TUBGCP2: variants seen among roughly 807,000 people sequenced by gnomAD.
The protein encoded by TUBGCP2 is tubulin gamma complex component 2, also known as gamma-tubulin complex component 2.
In TUBGCP2, 55 loss-of-function variants were observed where a neutral mutation model predicts 92.2. That is an observed-to-expected ratio of 0.60 (90% CI 0.48 to 0.75). The LOEUF (loss-of-function observed/expected upper bound fraction) is 0.75, where lower values mean the gene tolerates loss of function less well. Ranked by LOEUF, TUBGCP2 falls within the 30% of genes least tolerant of loss-of-function variation. The pLI, the probability that TUBGCP2 is intolerant of heterozygous loss-of-function variation, is 0.00. For missense variants in TUBGCP2, 1,093 were observed against 1,188.9 expected, an observed-to-expected ratio of 0.92 and a Z score of 1.19; for synonymous variants, 533 against 505.2, an observed-to-expected ratio of 1.06 and a Z score of -0.74.
intron 17 of TUBGCP2, among the ~76,000 whole-genome samples, 171 bp from the exon 18 acceptor site, chr10:133,280,072 G>C (rs185340015): frequency 7.9e-5 from 12 of 152,340 alleles, no homozygotes; most frequent in Non-Finnish European, 1.6e-4. Context: ...TCCTTCTGCG[G>C]GTCCGTCCTG....
At position 133,291,236 on chromosome 10, in the gene TUBGCP2, G is replaced by A. The variant is rs1020021282; in HGVS notation, c.1214+1263C>T. Among the ~76,000 whole-genome samples the A allele has an allele frequency of 2.9e-3, 333 of 114,332 alleles. 3 individuals are homozygous for A. The highest frequency in any genetic ancestry group is 8.7e-3 in the African/African-American group (171 of 19,558). 75.0% of individuals were successfully genotyped at this position (114,332 alleles called of 152,430 possible). On this transcript the variant is annotated intron_variant, in intron 8 of 17. Coordinates refer to ENST00000252936, the MANE Select transcript of TUBGCP2 (RefSeq NM_006659.4). ...AGAGCCCCCAGAGAGGGCAGCACGC[G>A]CCCTCCGTGTCCCCCATGTCCCTCC...
In TUBGCP2 at chr10:133,289,948, G is replaced by C; in HGVS notation, c.1236C>G (p.His412Gln). 3 of 1,614,106 alleles carry C rather than the reference G, an allele frequency of 1.9e-6. No individual in the cohort carries two copies. The highest frequency in any genetic ancestry group is 2.2e-5 in the East Asian group (1 of 44,878). ...CCTGGATCCTCTCCTTCCGCAGCTC[G>C]TGCTCCTCGACCATAAACTCACTAA... ...DPYSEFMVEEHELRKERIQED... is the reference protein window; with the variant it reads ...DPYSEFMVEEQELRKERIQED... The change falls in exon 9 of 18, where the codon CAC (histidine) becomes CAG (glutamine). Residue 412 changes from histidine (H) to glutamine (Q), a missense_variant. Physicochemically the swap from His to Gln is conservative, Grantham distance 24. Transcript: ENST00000252936.
rs746060172 is a variant in TUBGCP2, at chr10:133,292,577, A to AG, written c.1135dup (p.Leu379ProfsTer28). The stretch of plus-strand genomic sequence containing the variant: ...GTAGGGAGCACTGGCCGCCTTGGTT[A>AG]GGTACAGGCATAGCTCCTGCGCCTG... On this transcript the variant is annotated frameshift_variant, in exon 8 of 18. Coordinates refer to ENST00000252936, the MANE Select transcript of TUBGCP2 (RefSeq NM_006659.4). LOFTEE classifies it high-confidence loss of function. 6.8e-6 allele frequency: 11 copies of AG among 1,614,150 alleles called. No homozygotes were observed. Among genetic ancestry groups the AG allele is most frequent in the Non-Finnish European group, 9.3e-6 (11 of 1,180,016 alleles).
At chr10:133,292,989 T>C in intron 7 of TUBGCP2, 50 bp downstream of exon 7, 1 of 1,589,716 alleles carries the variant, frequency 6.3e-7, no homozygotes, top group Admixed American at 1.7e-5. Flanking sequence ...GGTGCCATGT[T>C]CAACACCTGC....
Position 133,290,026 on chromosome 10 carries a change from G to A in TUBGCP2, c.1215-57C>T, listed in dbSNP as rs541715594. 1.6e-5 allele frequency: 25 copies of A among 1,595,126 alleles called. No individual in the cohort carries two copies. The East Asian group carries it at 2.3e-4, about 14-fold the overall frequency. On this transcript the variant is annotated intron_variant, in intron 8 of 17. Transcript: ENST00000252936. The stretch of plus-strand genomic sequence containing the variant: ...CAAAGCAAGGGCGCCTGAGGCAGGC[G>A]ACACTTCTCCAGGCCGGCAGCGCGC...
intron 17 of TUBGCP2, among the ~76,000 whole-genome samples, chr10:133,280,595 A>C (rs1305198927): frequency 6.6e-6 from 1 of 152,212 alleles, no homozygotes; most frequent in Non-Finnish European, 1.5e-5. Flanking sequence ...GGGGCAGCCC[A>C]GTTGCACAGA....
At chr10:133,296,782 G>A (rs1847497900) in intron 5 of TUBGCP2, among the ~76,000 whole-genome samples, 1 of 152,158 alleles carries the variant, frequency 6.6e-6, no homozygotes, top group African/African-American at 2.4e-5. Context: ...GGCCGAAGTA[G>A]ACTGTTTTCC....
upstream of TUBGCP2, chr10:133,311,688 G>C: frequency 1.3e-6 from 2 of 1,595,792 alleles, no homozygotes; most frequent in Non-Finnish European, 1.7e-6. Context: ...GCCGTGCAGG[G>C]CAGTTACTCA....
upstream of TUBGCP2, chr10:133,309,942 T>G (rs1847950306): frequency 1.2e-6 from 2 of 1,613,308 alleles, no homozygotes. Flanking sequence ...GTGGCACGAT[T>G]CGCTCTTCCA....
chr10:133,301,139 T>C (rs1665912587), intron 2 of TUBGCP2, among the ~76,000 whole-genome samples: 1 of 152,236 alleles, frequency 6.6e-6, no homozygotes, highest in Non-Finnish European at 1.5e-5. Context: ...GGTTATGCTT[T>C]TTCTTTTGGA....
chr10:133,293,387 G>A (rs1459490199), intron 6 of TUBGCP2, 149 bp from the exon 7 acceptor site: 1 of 1,213,190 alleles, frequency 8.2e-7, no homozygotes, highest in East Asian at 2.5e-5. Context: ...GAGGAGATGA[G>A]TCAGGACCCT....
chr10:133,292,782 T>G (rs1008499153), intron 7 of TUBGCP2, 94 bp from the exon 8 acceptor site: 3 of 1,428,806 alleles, frequency 2.1e-6, no homozygotes, highest in Admixed American at 4.4e-5. Context: ...TTCTCCAACC[T>G]TCTTCCTGGG....
intron 5 of TUBGCP2, among the ~76,000 whole-genome samples, chr10:133,294,529 G>T (rs1440452707): frequency 6.6e-6 from 1 of 152,074 alleles, no homozygotes; most frequent in Non-Finnish European, 1.5e-5. Context: ...GTGACTGCAG[G>T]CCTCAAGACT....
At chr10:133,292,356 CCCGTGTCCCT>C (rs1219520881) in intron 8 of TUBGCP2, 133 bp downstream of exon 8, 1 of 48,788 alleles carries the variant, frequency 2.0e-5, no homozygotes, top group Non-Finnish European at 3.3e-5. Flanking sequence ...CTCCGTGTCC[CCCGTGTCCCT>C]CCGTGTCCCC....
chr10:133,302,769 G>A (rs760636376), intron 2 of TUBGCP2, 23 bp downstream of exon 2: 66 of 1,611,678 alleles, frequency 4.1e-5, no homozygotes, highest in South Asian at 2.0e-4. Context: ...CCTGCACAGC[G>A]CTACACCAAG....
At chr10:133,311,749 A>C (rs1370629297), upstream of TUBGCP2, 1 of 1,613,588 alleles carries the variant, frequency 6.2e-7, no homozygotes, top group Non-Finnish European at 8.5e-7. Context: ...GGGACAGTGG[A>C]GAGCGGTCAG....
chr10:133,302,458 C>A (rs7075436), intron 2 of TUBGCP2: 55,050 of 284,616 alleles, frequency 0.19, 8,706 homozygotes, highest in African/African-American at 0.47. Context: ...CTCACCCTGC[C>A]CCCTGCACCA....
intron 2 of TUBGCP2, among the ~76,000 whole-genome samples, chr10:133,301,067 G>A (rs1369579148): frequency 6.6e-6 from 1 of 152,186 alleles, no homozygotes; most frequent in Admixed American, 6.5e-5. Flanking sequence ...AGTAGTTTAT[G>A]CGTTCATTGT....
chr10:133,295,457 A>T (rs1426506140), intron 5 of TUBGCP2: 1 of 152,338 alleles, frequency 6.6e-6, no homozygotes, highest in Non-Finnish European at 1.5e-5. Flanking sequence ...AAGCAAAAAA[A>T]GAGTCAGTTG....
Sources: allele counts gnomAD v4.1 joint callset (sites outside exome capture counted in the v4.1 genomes callset), GRCh38; gene constraint gnomAD v4.1.1; transcripts MANE v1.5; gene names NCBI Gene and HGNC (gene_info 2026-07-23, HGNC 2026-07-21).